The following PCDH11X variants were observed in gnomAD, a reference collection of about 807,000 sequenced individuals.
PCDH11X encodes protocadherin 11 X-linked.
Under a neutral mutation model 53.3 loss-of-function variants are expected in PCDH11X, and 18 were observed. The ratio of observed to expected loss-of-function variants is 0.34; its 90% CI spans 0.23 to 0.50. The LOEUF (loss-of-function observed/expected upper bound fraction) is 0.50. Ranked by LOEUF, PCDH11X falls within the 20% of genes least tolerant of loss-of-function variation. The probability of loss-of-function intolerance (pLI) is 0.98; values close to 1 mark genes in which losing one functional copy is unlikely to be tolerated. For missense variants in PCDH11X, 570 were observed against 1,032.4 expected (o/e 0.55, Z 6.14); for synonymous variants, 279 against 393.3 (o/e 0.71, Z 3.44).
intron 6 of PCDH11X, among the ~76,000 whole-genome samples, chrX:92,133,868 G>A (rs1219265233): frequency 2.7e-5 from 3 of 111,755 alleles, no homozygotes; most frequent in Non-Finnish European, 5.6e-5. Context: ...ATGCACCCAT[G>A]ACATAGCCTC....
chrX:91,825,217 C>G (rs13362941), intron 4 of PCDH11X, among the ~76,000 whole-genome samples: 8 of 108,428 alleles, frequency 7.4e-5, no homozygotes, highest in Non-Finnish European at 1.3e-4. Context: ...TTGGAGCTTC[C>G]GGGCTGCTTT....
rs767624023 is a variant in PCDH11X at position 91,971,593 on chromosome X, C to T, written c.3033+92320C>T. On this transcript the variant is annotated intron_variant, in intron 6 of 10. Transcript: ENST00000682573. ...GCTTTTGGTTCTTAAAAAACAGTCA[C>T]CTTATCTTTAATGAGCAATTTGACT... Among the ~76,000 whole-genome samples the T allele has an allele frequency of 6.3e-5, 7 of 111,672 alleles. No individual in the cohort carries two copies. The South Asian group carries it at 1.5e-3, about 24-fold the overall frequency.
chrX:91,781,094 G>A (rs1477128902), intron 1 of PCDH11X, among the ~76,000 whole-genome samples: 6 of 112,110 alleles, frequency 5.4e-5, no homozygotes, highest in African/African-American at 1.9e-4. Context: ...TGCTATTTGC[G>A]CCACTGCGGC....
chrX:91,985,453 C>T (rs1427799240), intron 6 of PCDH11X, among the ~76,000 whole-genome samples: 4 of 112,138 alleles, frequency 3.6e-5, no homozygotes, highest in Non-Finnish European at 5.6e-5. Context: ...TGCAGTGAGC[C>T]GCGATCGTGC....
Position 92,348,080 on chromosome X carries a change from C to G in PCDH11X, c.3145-39655C>G, listed in dbSNP as rs1205622066. Among the ~76,000 whole-genome samples, 3 of 111,282 alleles carry G rather than the reference C, an allele frequency of 2.7e-5. No homozygotes were observed. The East Asian group carries it at 8.6e-4, about 32-fold the overall frequency. ...AGGGTGATTTATTATAGAACCCACT[C>G]CATTCCACCAAACTCTGGCATTTTT... On this transcript the variant is annotated intron_variant, in intron 8 of 10. Coordinates refer to ENST00000682573, the MANE Select transcript of PCDH11X (RefSeq NM_032968.5).
chrX:92,275,532 T>A (rs959798010), intron 8 of PCDH11X, among the ~76,000 whole-genome samples: 7 of 110,915 alleles, frequency 6.3e-5, no homozygotes, highest in Admixed American at 3.8e-4. Flanking sequence ...TGCAAAGGAA[T>A]AGTAAAGAAA....
At chrX:92,517,427 TAGCC>T (rs1402852054) in intron 10 of PCDH11X, among the ~76,000 whole-genome samples, 6 of 111,997 alleles carry the variant, frequency 5.4e-5, no homozygotes, top group Non-Finnish European at 1.1e-4. Flanking sequence ...AAACTTTCCA[TAGCC>T]TTCGTGCTAA....
chrX:92,501,767 C>T (rs1334196851), intron 10 of PCDH11X, among the ~76,000 whole-genome samples: 2 of 111,325 alleles, frequency 1.8e-5, no homozygotes, highest in Non-Finnish European at 3.8e-5. Flanking sequence ...CAATATCATA[C>T]TGAATGAGCA....
chrX:92,080,848 G>C (rs2063845576), intron 6 of PCDH11X, among the ~76,000 whole-genome samples: 1 of 111,123 alleles, frequency 9.0e-6, no homozygotes, highest in Admixed American at 9.6e-5. Context: ...AGTTATTTGG[G>C]TAGAGAAGTG....
intron 10 of PCDH11X, among the ~76,000 whole-genome samples, chrX:92,616,701 C>G (rs1928007635): frequency 9.2e-6 from 1 of 108,371 alleles, no homozygotes; most frequent in Non-Finnish European, 1.9e-5. Context: ...AATTGGTTGG[C>G]TAATCTAATT....
chrX:92,050,950 T>C (rs2063359236), intron 6 of PCDH11X, among the ~76,000 whole-genome samples: 1 of 111,045 alleles, frequency 9.0e-6, no homozygotes, highest in East Asian at 2.8e-4. Context: ...TTGTGTCTAC[T>C]CACATTGACT....
At chrX:92,082,986 T>A (rs1345883789) in intron 6 of PCDH11X, among the ~76,000 whole-genome samples, 1 of 111,790 alleles carries the variant, frequency 8.9e-6, no homozygotes, top group Non-Finnish European at 1.9e-5. Context: ...TAAACTTTGA[T>A]GTGTGATGAA....
At chrX:92,370,632 G>GT (rs1205730920) in intron 8 of PCDH11X, among the ~76,000 whole-genome samples, 2 of 109,390 alleles carry the variant, frequency 1.8e-5, no homozygotes, top group Non-Finnish European at 3.8e-5. Flanking sequence ...GCTAATTTTT[G>GT]TATTTTTAGT....
chrX:92,106,654 T>C (rs1478496260), intron 6 of PCDH11X, among the ~76,000 whole-genome samples: 1 of 112,191 alleles, frequency 8.9e-6, no homozygotes, highest in Non-Finnish European at 1.9e-5. Context: ...AAAGCCATAT[T>C]ATCATTTATT....
intron 6 of PCDH11X, among the ~76,000 whole-genome samples, chrX:91,910,850 A>G (rs1322444695): frequency 9.0e-6 from 1 of 111,366 alleles, no homozygotes; most frequent in Admixed American, 9.6e-5. Flanking sequence ...GGTTCCATTA[A>G]TAATACATGG....
chrX:92,393,313 T>C (rs1160552955), intron 9 of PCDH11X, among the ~76,000 whole-genome samples: 2 of 110,822 alleles, frequency 1.8e-5, no homozygotes, highest in African/African-American at 6.5e-5. Context: ...TATAATAGTG[T>C]CAGTCCATGG....
chrX:92,087,096 ATTTG>A (rs2063966668), intron 6 of PCDH11X, among the ~76,000 whole-genome samples: 2 of 108,742 alleles, frequency 1.8e-5, no homozygotes, highest in Non-Finnish European at 3.8e-5. Flanking sequence ...GCTCTTCTTT[ATTTG>A]TTTATTTTTT....
At chrX:92,012,494 T>C (rs777285362) in intron 6 of PCDH11X, among the ~76,000 whole-genome samples, 4 of 111,898 alleles carry the variant, frequency 3.6e-5, no homozygotes, top group African/African-American at 1.3e-4. Flanking sequence ...TTATAAATAA[T>C]TCGAAAGAGG....
intron 7 of PCDH11X, among the ~76,000 whole-genome samples, chrX:92,209,160 A>T (rs945070780): frequency 9.0e-6 from 1 of 111,578 alleles, no homozygotes. Flanking sequence ...CCCAAATCTC[A>T]TGTCTTTCTC....
Sources: gnomAD v4.1 joint callset for allele counts (sites outside exome capture counted in the v4.1 genomes callset) on GRCh38, gnomAD v4.1.1 for gene constraint, MANE v1.5 for transcripts, NCBI Gene and HGNC (gene_info 2026-07-23, HGNC 2026-07-21) for gene names.